Variants in TRHDE observed in about 807,000 individuals in gnomAD.
TRHDE encodes thyrotropin releasing hormone degrading enzyme, also known as thyrotropin-releasing hormone-degrading ectoenzyme.
In TRHDE, 72 loss-of-function variants were observed where a neutral mutation model predicts 125.7. The observed-to-expected ratio is 0.57, with a 90% CI of 0.47 to 0.70. The LOEUF is 0.70. TRHDE is among the 30% of genes least tolerant of loss of function. The pLI is 0.00. For missense variants in TRHDE, 1,110 were observed against 1,327.1 expected, an observed-to-expected ratio of 0.84 and a Z score of 2.54; for synonymous variants, 509 against 509.1, an observed-to-expected ratio of 1.00 and a Z score of 0.00.
intron 2 of TRHDE, among the ~76,000 whole-genome samples, chr12:72,323,435 A>T (rs1869189326): frequency 6.6e-6 from 1 of 152,148 alleles, no homozygotes; most frequent in African/African-American, 2.4e-5. Context: ...AAGTTCTAAG[A>T]AAAGGGCAGT....
intron 18 of TRHDE, among the ~76,000 whole-genome samples, chr12:72,657,572 ATC>A (rs1874755322): frequency 6.6e-6 from 1 of 152,184 alleles, no homozygotes; most frequent in African/African-American, 2.4e-5. Context: ...GCTTGGTACA[ATC>A]ACAAGTGAAT....
chr12:72,480,425 A>AT (rs146121734), intron 5 of TRHDE, among the ~76,000 whole-genome samples: 2,040 of 150,614 alleles, frequency 0.014, 35 homozygotes, highest in African/African-American at 0.047. Context: ...GATGGTGAGC[A>AT]TTTTTTAAAG....
chr12:72,554,171 T>C (rs1869813134), intron 7 of TRHDE, among the ~76,000 whole-genome samples: 1 of 152,130 alleles, frequency 6.6e-6, no homozygotes, highest in Non-Finnish European at 1.5e-5. Flanking sequence ...TTTCTTATAG[T>C]GTTTCTAGAA....
chr12:72,190,274 C>T (rs1186070314), intron 2 of TRHDE, among the ~76,000 whole-genome samples: 7 of 152,154 alleles, frequency 4.6e-5, no homozygotes, highest in South Asian at 2.1e-4. Context: ...CCTCATGAAG[C>T]GTTTTCTATA....
intron 3 of TRHDE, among the ~76,000 whole-genome samples, chr12:72,431,265 G>T (rs546743694): frequency 6.6e-6 from 1 of 152,190 alleles, no homozygotes; most frequent in Non-Finnish European, 1.5e-5. Context: ...ACTCAGAAAA[G>T]TATAGTCAAT....
At chr12:72,146,507 A>T (rs1876229800) in intron 2 of TRHDE, among the ~76,000 whole-genome samples, 1 of 152,242 alleles carries the variant, frequency 6.6e-6, no homozygotes, top group African/African-American at 2.4e-5. Context: ...AACTAAATTA[A>T]TGGGTCAGAA....
chr12:72,258,460 C>A (rs1279306291), intron 2 of TRHDE, among the ~76,000 whole-genome samples: 3 of 152,090 alleles, frequency 2.0e-5, no homozygotes, highest in Admixed American at 1.3e-4. Flanking sequence ...CCATTAATGT[C>A]CCTTTCTTGG....
intron 3 of TRHDE, among the ~76,000 whole-genome samples, chr12:72,457,956 T>C (rs1383876577): frequency 1.3e-5 from 2 of 152,188 alleles, no homozygotes; most frequent in African/African-American, 4.8e-5. Flanking sequence ...GTCAAAGAGC[T>C]ATTCAAACCG....
At chr12:72,261,594 C>T (rs1179530843) in intron 2 of TRHDE, among the ~76,000 whole-genome samples, 1 of 152,112 alleles carries the variant, frequency 6.6e-6, no homozygotes, top group African/African-American at 2.4e-5. Context: ...AGTAAGCTCT[C>T]TTTTATAGCT....
At chr12:72,139,772 A>G (rs762882616) in intron 2 of TRHDE, among the ~76,000 whole-genome samples, 31 of 152,080 alleles carry the variant, frequency 2.0e-4, no homozygotes, top group African/African-American at 4.8e-4. Flanking sequence ...AAGCCCCCCA[A>G]CCAACCGAAT....
intron 12 of TRHDE, among the ~76,000 whole-genome samples, chr12:72,591,339 A>G (rs1420097654): frequency 6.6e-6 from 1 of 152,192 alleles, no homozygotes; most frequent in Non-Finnish European, 1.5e-5. Context: ...ACATACTATA[A>G]TAAGCATCTT....
At chr12:72,566,608 T>C (rs1260675432) in intron 9 of TRHDE, among the ~76,000 whole-genome samples, 1 of 39,640 alleles carries the variant, frequency 2.5e-5, no homozygotes, top group South Asian at 1.4e-3. Context: ...ATAATTTAAA[T>C]ACATGGAAAT....
Position 72,141,639 on chromosome 12 carries a change from A to G in TRHDE, n.279+35887A>G, listed in dbSNP as rs372443699. 2.0e-5 allele frequency among the ~76,000 whole-genome samples: 3 copies of G among 152,246 alleles called. No homozygotes were observed. The East Asian group carries it at 5.8e-4, about 29-fold the overall frequency. The stretch of plus-strand genomic sequence containing the variant: ...GTCCCTCTATGCCTGGCACTATGCC[A>G]AGTATTTCAGATAAGAAGACTAAAA... On this transcript the variant is annotated intron_variant and non_coding_transcript_variant, in intron 2 of 4. Coordinates refer to the TRHDE transcript ENST00000548156.
chr12:72,488,797 A>T (rs1877528420), intron 5 of TRHDE, among the ~76,000 whole-genome samples: 1 of 151,960 alleles, frequency 6.6e-6, no homozygotes, highest in Non-Finnish European at 1.5e-5. Context: ...GAAATCATAG[A>T]TAGCATCGTT....
At chr12:72,417,764 T>A (rs937239458) in intron 3 of TRHDE, among the ~76,000 whole-genome samples, 2 of 152,010 alleles carry the variant, frequency 1.3e-5, no homozygotes, top group Non-Finnish European at 2.9e-5. Context: ...CTTAAGTACT[T>A]CTAGATCATC....
At chr12:72,646,574 A>C (rs1292802917) in intron 15 of TRHDE, among the ~76,000 whole-genome samples, 1 of 152,094 alleles carries the variant, frequency 6.6e-6, no homozygotes, top group Non-Finnish European at 1.5e-5. Context: ...CTACATGCAC[A>C]GTGTTGGTAA....
intron 1 of TRHDE, among the ~76,000 whole-genome samples, chr12:72,095,775 T>A (rs1340520211): frequency 6.6e-6 from 1 of 152,180 alleles, no homozygotes; most frequent in Non-Finnish European, 1.5e-5. Context: ...TGGTTAATTT[T>A]ATATGTCAAC....
intron 2 of TRHDE, among the ~76,000 whole-genome samples, chr12:72,262,240 C>T (rs914085031): frequency 3.3e-5 from 5 of 152,136 alleles, no homozygotes; most frequent in Non-Finnish European, 5.9e-5. Context: ...GATCTGAAGG[C>T]TCATTCTGTT....
At chr12:72,139,827 C>T (rs1314417235) in intron 2 of TRHDE, among the ~76,000 whole-genome samples, 4 of 152,156 alleles carry the variant, frequency 2.6e-5, no homozygotes, top group East Asian at 1.9e-4. Context: ...AAACCTGAAA[C>T]ACTAGTTCTG....
Sources: allele counts gnomAD v4.1 joint callset (sites outside exome capture counted in the v4.1 genomes callset), GRCh38; gene constraint gnomAD v4.1.1; transcripts MANE v1.5; gene names NCBI Gene and HGNC (gene_info 2026-07-23, HGNC 2026-07-21).